Variants in TLE4 observed in about 807,000 individuals in gnomAD.
TLE4 encodes the protein TLE family member 4, transcriptional corepressor, also known as transducin-like enhancer protein 4.
A neutral mutation model predicts 92.8 loss-of-function variants in TLE4; 8 were observed. The ratio of observed to expected loss-of-function variants is 0.09; its 90% CI spans 0.05 to 0.16. The LOEUF (loss-of-function observed/expected upper bound fraction) is 0.16. Among genes scored for constraint, TLE4 ranks in the 10% least tolerant of loss-of-function variants. The probability of loss-of-function intolerance (pLI) is 1.00; values close to 1 mark genes in which losing one functional copy is unlikely to be tolerated. For missense variants in TLE4, 675 were observed against 997.6 expected (o/e 0.68, Z 4.36); for synonymous variants, 371 against 374.1 (o/e 0.99, Z 0.10).
chr9:79,652,910 A>G (rs372694426), intron 7 of TLE4, 116 bp downstream of exon 7: 173 of 1,103,568 alleles, frequency 1.6e-4, no homozygotes, highest in Non-Finnish European at 1.9e-5. Context: ...TAAACAAAGG[A>G]TTTCCACTGG....
At chr9:79,670,877 TTTTG>T (rs1041517281) in intron 8 of TLE4, among the ~76,000 whole-genome samples, 7 of 152,134 alleles carry the variant, frequency 4.6e-5, no homozygotes, top group Admixed American at 3.9e-4. Flanking sequence ...TTGGTTTTTT[TTTTG>T]TTTGTTTTTT....
chr9:79,717,505 G>A (rs770735106), intron 14 of TLE4, among the ~76,000 whole-genome samples: 36 of 152,078 alleles, frequency 2.4e-4, no homozygotes, highest in Non-Finnish European at 3.8e-4. Flanking sequence ...GTAAAAGCCC[G>A]CCACTGTCTA....
intron 8 of TLE4, among the ~76,000 whole-genome samples, chr9:79,704,117 T>TG (rs936396461): frequency 1.4e-5 from 2 of 147,160 alleles, no homozygotes; most frequent in African/African-American, 2.7e-5. Flanking sequence ...TTTCCCAACT[T>TG]TCTTTCTTTT....
chr9:79,710,812 T>A (rs117636345), intron 14 of TLE4, among the ~76,000 whole-genome samples: 66 of 152,348 alleles, frequency 4.3e-4, no homozygotes, highest in Non-Finnish European at 8.1e-4. Flanking sequence ...CTCTCCCTCT[T>A]GACTATAAGT....
chr9:79,679,503 A>T (rs1408841664), intron 8 of TLE4, among the ~76,000 whole-genome samples: 1 of 152,036 alleles, frequency 6.6e-6, no homozygotes, highest in African/African-American at 2.4e-5. Context: ...TTCATTGTAG[A>T]TTCTGGATAT....
intron 4 of TLE4, among the ~76,000 whole-genome samples, chr9:79,581,304 A>G (rs1010785042): frequency 6.6e-6 from 1 of 152,152 alleles, no homozygotes; most frequent in African/African-American, 2.4e-5. Flanking sequence ...CTGTCCTTTT[A>G]CTTATTACAG....
chr9:79,629,796 A>G (rs1383989062), intron 6 of TLE4, among the ~76,000 whole-genome samples: 1 of 152,138 alleles, frequency 6.6e-6, no homozygotes, highest in Non-Finnish European at 1.5e-5. Flanking sequence ...TCACTTGACA[A>G]ATTTTTGCTG....
chr9:79,632,440 T>A (rs1303121021), intron 6 of TLE4, among the ~76,000 whole-genome samples: 2 of 152,132 alleles, frequency 1.3e-5, no homozygotes, highest in Non-Finnish European at 2.9e-5. Flanking sequence ...CATTTCAAAA[T>A]TACCTGCAGC....
chr9:79,606,187 G>GTTGTTTT (rs2046834923), intron 4 of TLE4, among the ~76,000 whole-genome samples: 1 of 28,674 alleles, frequency 3.5e-5, no homozygotes, highest in African/African-American at 1.3e-4. Flanking sequence ...AGTAGTAGTT[G>GTTGTTTT]TTTTTTTTTT....
At chr9:79,694,200 G>A (rs1025254733) in intron 8 of TLE4, among the ~76,000 whole-genome samples, 1 of 152,182 alleles carries the variant, frequency 6.6e-6, no homozygotes, top group Non-Finnish European at 1.5e-5. Flanking sequence ...AGAAACAGGA[G>A]CGATAGACCA....
intron 4 of TLE4, among the ~76,000 whole-genome samples, chr9:79,606,187 G>GTTGTTTTTTTTTTTTTTTTTTTTTT (rs2046834923): frequency 3.5e-5 from 1 of 28,674 alleles, no homozygotes; most frequent in Non-Finnish European, 6.4e-5. Flanking sequence ...AGTAGTAGTT[G>GTTGTTTTTTTTTTTTTTTTTTTTTT]TTTTTTTTTT....
At chr9:79,624,344 T>A (rs2051915318) in intron 5 of TLE4, among the ~76,000 whole-genome samples, 1 of 152,136 alleles carries the variant, frequency 6.6e-6, no homozygotes, top group African/African-American at 2.4e-5. Flanking sequence ...GGCGTAATGT[T>A]ACATGGTGTG....
intron 14 of TLE4, among the ~76,000 whole-genome samples, chr9:79,717,362 G>T (rs2074714020): frequency 6.6e-6 from 1 of 152,154 alleles, no homozygotes; most frequent in Non-Finnish European, 1.5e-5. Flanking sequence ...CACATCCAGT[G>T]TATCTCCAAG....
At chr9:79,644,072 T>C (rs1300174394) in intron 6 of TLE4, among the ~76,000 whole-genome samples, 1 of 152,148 alleles carries the variant, frequency 6.6e-6, no homozygotes, top group Non-Finnish European at 1.5e-5. Context: ...TCTTGAATTA[T>C]AGTTCCTACA....
intron 8 of TLE4, among the ~76,000 whole-genome samples, chr9:79,681,832 A>ATGTGTGTGTGTGTGTGTG (rs35005870): frequency 3.1e-4 from 44 of 141,632 alleles, no homozygotes; most frequent in Non-Finnish European, 4.5e-4. Context: ...GAGTGTGTGC[A>ATGTGTGTGTGTGTGTGTG]TGTGTGTGTG....
intron 3 of TLE4, 132 bp downstream of exon 3, chr9:79,575,068 A>G: frequency 3.0e-6 from 2 of 661,520 alleles, no homozygotes; most frequent in Non-Finnish European, 5.4e-6. Flanking sequence ...TTGTGGGAAT[A>G]TGTCTATTAG....
In TLE4 at chr9:79,706,849, A is replaced by G. The variant is rs752692210; in HGVS notation, c.886A>G (p.Ile296Val). The G allele has an allele frequency of 2.4e-5, 38 of 1,614,030 alleles. No individual in the cohort carries two copies. The highest frequency in any genetic ancestry group is 3.1e-5 in the Non-Finnish European group (36 of 1,180,040). ...KKDAPISPAS[I>V]ASSSSTPSSK... ...AGATGCCCCGATTAGTCCAGCCTCT[A>G]TTGCATCTTCCAGCAGTACTCCCTC... Residue 296 changes from isoleucine (I) to valine (V), a missense_variant, in exon 11 of 20, where the codon ATT becomes GTT. Ile to Val is a conservative substitution (Grantham distance 29, BLOSUM62 3). Coordinates refer to ENST00000376552, the MANE Select transcript of TLE4 (RefSeq NM_007005.6).
chr9:79,625,773 T>G (rs1376454697), intron 5 of TLE4, among the ~76,000 whole-genome samples: 2 of 151,932 alleles, frequency 1.3e-5, no homozygotes, highest in East Asian at 3.9e-4. Context: ...CAAAATCCCT[T>G]AAGACTTTTA....
At chr9:79,679,378 G>C (rs947486698) in intron 8 of TLE4, among the ~76,000 whole-genome samples, 5 of 152,154 alleles carry the variant, frequency 3.3e-5, no homozygotes, top group African/African-American at 7.2e-5. Context: ...CAGTGATGAT[G>C]AGCATTTTTT....
Sources: gnomAD v4.1 joint callset for allele counts (sites outside exome capture counted in the v4.1 genomes callset) on GRCh38, gnomAD v4.1.1 for gene constraint, MANE v1.5 for transcripts, NCBI Gene and HGNC (gene_info 2026-07-23, HGNC 2026-07-21) for gene names.